Variants in TAF1B observed in about 807,000 individuals in gnomAD.
TAF1B encodes TATA box-binding protein-associated factor RNA polymerase I subunit B.
TAF1B carries 61 observed loss-of-function variants against 83.9 expected under a neutral mutation model. The observed-to-expected ratio is 0.73, with a 90% CI of 0.59 to 0.90. The LOEUF is 0.90. TAF1B is among the 40% of genes least tolerant of loss of function. TAF1B has a pLI of 0.00. For synonymous variants in TAF1B, 221 were observed against 224.6 expected (o/e 0.98, Z 0.14); for missense variants, 625 against 677.0 (o/e 0.92, Z 0.85).
Position 9,933,817 on chromosome 2 carries a change from A to C in TAF1B, c.1600A>C (p.Asn534His). The C allele has an allele frequency of 6.2e-7, 1 of 1,613,584 alleles. No homozygotes were observed. Among genetic ancestry groups the C allele is most frequent in the Non-Finnish European group, 8.5e-7 (1 of 1,179,784 alleles). ...ACATGTGACAACCTATGAAGAATCA[A>C]ATTATTCTCTGAGTTATCAGTTTAT... Reference protein sequence around the residue: ...CTHVTTYEESNYSLSYQFILN... With the variant: ...CTHVTTYEESHYSLSYQFILN... The change falls in exon 15 of 15, where the codon AAT becomes CAT. Residue 534 changes from asparagine (N) to histidine (H), a missense_variant. By Grantham distance (68) the Asn-to-His change is moderately conservative. Transcript: ENST00000263663.
intron 5 of TAF1B, among the ~76,000 whole-genome samples, chr2:9,867,940 A>C (rs1487052956): frequency 1.3e-5 from 2 of 152,158 alleles, no homozygotes; most frequent in South Asian, 2.1e-4. Context: ...AGGTTTGGTA[A>C]AAAGAAGCCA....
At chr2:9,857,507 G>T (rs181171854) in intron 5 of TAF1B, among the ~76,000 whole-genome samples, 252 of 152,316 alleles carry the variant, frequency 1.7e-3, no homozygotes, top group Non-Finnish European at 2.4e-3. Flanking sequence ...AGTGGGCCAG[G>T]AAGGTCAGTG....
intron 2 of TAF1B, among the ~76,000 whole-genome samples, chr2:9,846,346 A>C (rs1663207394): frequency 6.6e-6 from 1 of 152,242 alleles, no homozygotes; most frequent in African/African-American, 2.4e-5. Flanking sequence ...AGCATCACCA[A>C]AGTGATCAAG....
Position 9,845,315 on chromosome 2 carries a change from A to G in TAF1B, c.114A>G (p.Thr38=), listed in dbSNP as rs1275615136. The G allele has an allele frequency of 5.0e-6, 8 of 1,611,114 alleles. No homozygotes were observed. The South Asian group carries it at 8.8e-5, about 18-fold the overall frequency. The change falls in exon 2 of 15, where the codon ACA becomes ACG. Residue 38 remains threonine (T), a synonymous_variant. Transcript: ENST00000263663. ...ATTGCACTTCTTGCCACAATGTTAC[A>G]GAGGTAAGTAACAAATATCATTTAT... ...KYYCTSCHNV[T]ERYQEVTNTD...
At chr2:9,905,306 G>A (rs1381444302) in intron 9 of TAF1B, among the ~76,000 whole-genome samples, 4 of 152,140 alleles carry the variant, frequency 2.6e-5, no homozygotes, top group African/African-American at 9.7e-5. Context: ...AGTACCAAAT[G>A]TTTCAGTATA....
intron 5 of TAF1B, among the ~76,000 whole-genome samples, chr2:9,855,014 G>A (rs545811646): frequency 6.6e-6 from 1 of 151,948 alleles, no homozygotes; most frequent in South Asian, 2.1e-4. Flanking sequence ...TTTTTTTTGA[G>A]ACGGAGTTTC....
At chr2:9,875,065 A>G (rs1664281660) in intron 6 of TAF1B, among the ~76,000 whole-genome samples, 1 of 151,676 alleles carries the variant, frequency 6.6e-6, no homozygotes. Context: ...AGGTTCAAGC[A>G]ATTATCCTGT....
intron 5 of TAF1B, among the ~76,000 whole-genome samples, chr2:9,863,557 G>A (rs1572225250): frequency 6.6e-6 from 1 of 152,110 alleles, no homozygotes; most frequent in Admixed American, 6.5e-5. Flanking sequence ...AAGTTAACAA[G>A]GATATCCAGG....
At chr2:9,848,955 G>GA (rs1663295457) in intron 2 of TAF1B, among the ~76,000 whole-genome samples, 1 of 152,106 alleles carries the variant, frequency 6.6e-6, no homozygotes, top group African/African-American at 2.4e-5. Context: ...CAAAGACATG[G>GA]AAAAGTAGGC....
chr2:9,930,813 G>C (rs1436315039), intron 14 of TAF1B, among the ~76,000 whole-genome samples: 1 of 152,174 alleles, frequency 6.6e-6, no homozygotes, highest in Non-Finnish European at 1.5e-5. Flanking sequence ...CTAAGTCTTT[G>C]TAGGTCTCTG....
chr2:9,847,770 A>G (rs1369622596), intron 2 of TAF1B, among the ~76,000 whole-genome samples: 1 of 152,218 alleles, frequency 6.6e-6, no homozygotes, highest in African/African-American at 2.4e-5. Context: ...TTATGATCAT[A>G]AGAGCAATGC....
At chr2:9,877,058 C>T (rs1273632358) in intron 7 of TAF1B, among the ~76,000 whole-genome samples, 2 of 152,208 alleles carry the variant, frequency 1.3e-5, no homozygotes, top group Non-Finnish European at 2.9e-5. Context: ...GTCTGATTAA[C>T]TCTACAAGCA....
intron 8 of TAF1B, among the ~76,000 whole-genome samples, chr2:9,891,303 T>G (rs1664867396): frequency 6.6e-6 from 1 of 152,216 alleles, no homozygotes. Context: ...AAGTATACCA[T>G]ATATAATTAT....
chr2:9,863,974 A>T (rs1663872288), intron 5 of TAF1B, among the ~76,000 whole-genome samples: 1 of 152,212 alleles, frequency 6.6e-6, no homozygotes, highest in South Asian at 2.1e-4. Flanking sequence ...TTATAGCACT[A>T]AATGCCCACA....
Position 9,850,786 on chromosome 2 carries a change from C to A in TAF1B, c.206-755C>A, listed in dbSNP as rs142901296. ...CGTAGTTGTCATTAAACATGTAACT[C>A]TGTCTATTGTGGTGGCAGGTTTCTT... On this transcript the variant is annotated intron_variant, in intron 3 of 14. Transcript: ENST00000263663. Among the ~76,000 whole-genome samples, 244 of 152,294 alleles carry A rather than the reference C, an allele frequency of 1.6e-3. 1 individual carries two copies. Among genetic ancestry groups the A allele is most frequent in the African/African-American group, 5.6e-3 (234 of 41,560 alleles).
In TAF1B at chr2:9,918,913, A is replaced by C. The variant is rs927394562; in HGVS notation, c.1272-128A>C. ...CCTAAGTTCAATAGGCAATATAGACATGTGCCAGTAGGCCATTCCAAGCCA... is the reference window on the plus strand; with the variant it reads ...CCTAAGTTCAATAGGCAATATAGACCTGTGCCAGTAGGCCATTCCAAGCCA... On this transcript the variant is annotated intron_variant, in intron 12 of 14. Transcript: ENST00000263663. The C allele has an allele frequency of 1.3e-5, 10 of 780,146 alleles. No homozygotes were observed. The African/African-American group carries it at 1.7e-4, about 14-fold the overall frequency. The allele number at this position is 780,146 out of a possible 1,614,324, so 48.3% of individuals were successfully genotyped here. A position where few individuals can be genotyped will look rare whatever the true frequency, so the allele number is the denominator to read the frequency against.
At chr2:9,887,758 T>A (rs1156893103) in intron 8 of TAF1B, among the ~76,000 whole-genome samples, 1 of 152,174 alleles carries the variant, frequency 6.6e-6, no homozygotes, top group Non-Finnish European at 1.5e-5. Flanking sequence ...GGTTTGAATC[T>A]ACCATCTTGC....
intron 9 of TAF1B, among the ~76,000 whole-genome samples, chr2:9,905,338 C>T (rs1665308520): frequency 6.6e-6 from 1 of 152,140 alleles, no homozygotes; most frequent in African/African-American, 2.4e-5. Flanking sequence ...ACCTGTCCTC[C>T]ATCCCAAAAC....
At chr2:9,917,879 C>T (rs1027041816) in intron 12 of TAF1B, among the ~76,000 whole-genome samples, 12 of 151,508 alleles carry the variant, frequency 7.9e-5, no homozygotes, top group Admixed American at 3.9e-4. Context: ...GAGACCATCC[C>T]GGCTAAAACG....
Sources: gnomAD v4.1 joint callset for allele counts (sites outside exome capture counted in the v4.1 genomes callset) on GRCh38, gnomAD v4.1.1 for gene constraint, MANE v1.5 for transcripts, NCBI Gene and HGNC (gene_info 2026-07-23, HGNC 2026-07-21) for gene names.